The following WDR37 variants were observed in gnomAD, a reference collection of about 807,000 sequenced individuals.
WDR37 encodes WD repeat domain 37, also known as WD repeat-containing protein 37.
In WDR37, 19 loss-of-function variants were observed where a neutral mutation model predicts 62.9. The observed-to-expected ratio is 0.30, with a 90% CI of 0.21 to 0.44. The LOEUF is 0.44. Among genes scored for constraint, WDR37 ranks in the 20% least tolerant of loss-of-function variants. WDR37 has a pLI of 1.00. For missense variants in WDR37, 474 were observed against 657.6 expected, an observed-to-expected ratio of 0.72 and a Z score of 3.05; for synonymous variants, 250 against 260.9, an observed-to-expected ratio of 0.96 and a Z score of 0.40.
chr10:1,098,915 G>A (rs1011413082), intron 9 of WDR37, among the ~76,000 whole-genome samples: 1 of 152,144 alleles, frequency 6.6e-6, no homozygotes, highest in East Asian at 1.9e-4. Flanking sequence ...AACATTTACC[G>A]TCCACTCTCT....
intron 3 of WDR37, among the ~76,000 whole-genome samples, chr10:1,079,685 C>A (rs911373664): frequency 3.3e-5 from 5 of 152,076 alleles, no homozygotes; most frequent in African/African-American, 9.7e-5. Context: ...CAGGCATGCA[C>A]CACCACGCCC....
intron 11 of WDR37, among the ~76,000 whole-genome samples, chr10:1,114,513 C>T (rs541606402): frequency 4.6e-5 from 7 of 152,316 alleles, no homozygotes; most frequent in African/African-American, 1.7e-4. Context: ...TTAAGAAATG[C>T]ACATTGCGTT....
chr10:1,062,862 C>G (rs1468299556), intron 1 of WDR37, among the ~76,000 whole-genome samples: 1 of 152,052 alleles, frequency 6.6e-6, no homozygotes, highest in African/African-American at 2.4e-5. Flanking sequence ...CTGAGGCGGG[C>G]AGATCACAAG....
intron 1 of WDR37, among the ~76,000 whole-genome samples, chr10:1,070,207 C>CA (rs35167375): frequency 0.12 from 10,900 of 93,650 alleles, 567 homozygotes; most frequent in East Asian, 0.23. Flanking sequence ...GACTCTGTCT[C>CA]AAAAAAAAAA....
rs1834127275 is a variant in WDR37 at position 1,084,335 on chromosome 10, T to C, written c.397-68T>C. ...ATTTTCCAAGACGTCTTTTTCGTTT[T>C]CTCTTTCTTGACTTAGAAAAATTTA... On this transcript the variant is annotated intron_variant, in intron 5 of 13. Coordinates refer to ENST00000263150, the MANE Select transcript of WDR37 (RefSeq NM_014023.4). 3.2e-6 allele frequency: 5 copies of C among 1,574,026 alleles called. No individual in the cohort carries two copies. The South Asian group carries it at 5.7e-5, about 18-fold the overall frequency.
At chr10:1,093,985 G>T (rs962652085) in intron 8 of WDR37, among the ~76,000 whole-genome samples, 3 of 152,200 alleles carry the variant, frequency 2.0e-5, no homozygotes, top group African/African-American at 7.2e-5. Flanking sequence ...TTAAAAACGT[G>T]CCTTCCTTGG....
chr10:1,119,625 G>A (rs908164799), intron 11 of WDR37, among the ~76,000 whole-genome samples: 1 of 152,200 alleles, frequency 6.6e-6, no homozygotes, highest in African/African-American at 2.4e-5. Context: ...AGCACTTCCA[G>A]GCCTTAGGGT....
At chr10:1,062,661 A>C (rs1290822730) in intron 1 of WDR37, among the ~76,000 whole-genome samples, 1 of 152,230 alleles carries the variant, frequency 6.6e-6, no homozygotes, top group Non-Finnish European at 1.5e-5. Flanking sequence ...TTCTCCTTTA[A>C]AAATAGGCCT....
At chr10:1,066,408 G>A (rs117225799) in intron 1 of WDR37, among the ~76,000 whole-genome samples, 1,618 of 152,250 alleles carry the variant, frequency 0.011, 28 homozygotes, top group Non-Finnish European at 0.013. Flanking sequence ...GAGCCACCTC[G>A]CCCAGCCCGA....
intron 2 of WDR37, among the ~76,000 whole-genome samples, chr10:1,077,310 G>A (rs999383369): frequency 1.6e-4 from 25 of 152,230 alleles, no homozygotes; most frequent in African/African-American, 5.5e-4. Flanking sequence ...CATGAAGAGC[G>A]TGGCCTGGGC....
chr10:1,060,027 C>T lies in WDR37; in HGVS notation c.-41+3059C>T, dbSNP rs544311160. On this transcript the variant is annotated intron_variant, in intron 1 of 13. Coordinates refer to ENST00000263150, the MANE Select transcript of WDR37 (RefSeq NM_014023.4). ...GCTGATTTTTGTATTTTAGTAGAGA[C>T]GGGACTTCACCATGTTGGCCAGGCT... Among the ~76,000 whole-genome samples, 6 of 152,160 alleles carry T rather than the reference C, an allele frequency of 3.9e-5. No individual in the cohort carries two copies. In the East Asian group the frequency reaches 5.8e-4, roughly 15 times the overall value.
intron 1 of WDR37, among the ~76,000 whole-genome samples, chr10:1,064,742 C>G (rs1833487883): frequency 6.6e-6 from 1 of 151,784 alleles, no homozygotes; most frequent in African/African-American, 2.4e-5. Flanking sequence ...ACAGGCATGC[C>G]ACATCACGCC....
chr10:1,065,801 T>C (rs1833520060), intron 1 of WDR37, among the ~76,000 whole-genome samples: 1 of 152,184 alleles, frequency 6.6e-6, no homozygotes, highest in African/African-American at 2.4e-5. Context: ...ACTATAGTAA[T>C]TTAAGATAGT....
At chr10:1,085,186 A>G (rs564708720) in intron 6 of WDR37, among the ~76,000 whole-genome samples, 3 of 149,816 alleles carry the variant, frequency 2.0e-5, no homozygotes, top group Non-Finnish European at 3.0e-5. Context: ...TTTAGCTAGG[A>G]TGGTCTTGAT....
chr10:1,116,705 A>G (rs1199250704), intron 11 of WDR37, among the ~76,000 whole-genome samples: 2 of 152,214 alleles, frequency 1.3e-5, no homozygotes. Flanking sequence ...TATGGTGCAG[A>G]TTCCAGAGAA....
At chr10:1,059,949 A>T (rs1379191083) in intron 1 of WDR37, among the ~76,000 whole-genome samples, 2 of 150,976 alleles carry the variant, frequency 1.3e-5, no homozygotes, top group African/African-American at 4.9e-5. Context: ...GGGTGGAGCA[A>T]TTCTCGTGCC....
At chr10:1,070,354 G>A (rs4519019) in intron 1 of WDR37, among the ~76,000 whole-genome samples, 86,808 of 151,988 alleles carry the variant, frequency 0.57, 25,615 homozygotes, top group Non-Finnish European at 0.65. Flanking sequence ...ACATTTTTGG[G>A]TTATGCTTGG....
rs548153938 is a variant in WDR37, at chr10:1,131,870, G to C, written c.*2526G>C. The C allele has an allele frequency of 3.3e-5, 5 of 152,664 alleles. No individual in the cohort carries two copies. In the East Asian group the frequency reaches 7.7e-4, roughly 24 times the overall value. The allele number at this position is 152,664 out of a possible 1,614,324, so 9.5% of individuals were successfully genotyped here. ...TGTGTGGTTACTGAAAACTGTATAT[G>C]ATACAGAATTTCATAAGAGCCATGC... On this transcript the variant is annotated 3_prime_UTR_variant, in exon 14 of 14. Coordinates refer to ENST00000263150, the MANE Select transcript of WDR37 (RefSeq NM_014023.4).
chr10:1,098,821 C>T (rs1302000208), intron 9 of WDR37, among the ~76,000 whole-genome samples: 2 of 152,180 alleles, frequency 1.3e-5, no homozygotes, highest in African/African-American at 2.4e-5. Context: ...TGGCAGCCTG[C>T]GTTGAATGAG....
Sources: allele counts gnomAD v4.1 joint callset (sites outside exome capture counted in the v4.1 genomes callset), GRCh38; gene constraint gnomAD v4.1.1; transcripts MANE v1.5; gene names NCBI Gene and HGNC (gene_info 2026-07-23, HGNC 2026-07-21).